Variants in PABPC4L observed in about 807,000 individuals in gnomAD.
PABPC4L encodes poly(A) binding protein cytoplasmic 4 like.
For missense variants in PABPC4L, 452 were observed against 451.4 expected (o/e 1.00, Z -0.01); for synonymous variants, 169 against 164.1 (o/e 1.03, Z -0.23).
chr4:134,163,647 T>C, the PABPC4L span, among the ~76,000 whole-genome samples: 2 of 152,090 alleles, frequency 1.3e-5, no homozygotes, highest in South Asian at 2.1e-4. Flanking sequence ...AAAAGATAAT[T>C]ACCATAATCA....
chr4:134,124,761 A>AT, the PABPC4L span, among the ~76,000 whole-genome samples: 2 of 152,030 alleles, frequency 1.3e-5, no homozygotes, highest in Non-Finnish European at 2.9e-5. Context: ...CAATTATGGC[A>AT]TTTTTTACAA....
the PABPC4L span, among the ~76,000 whole-genome samples, chr4:133,975,006 G>A: frequency 6.6e-6 from 1 of 152,030 alleles, no homozygotes; most frequent in East Asian, 1.9e-4. Context: ...TGTATACCCA[G>A]GAAAATTAAA....
At chr4:134,006,324 C>T in the PABPC4L span, among the ~76,000 whole-genome samples, 2 of 151,694 alleles carry the variant, frequency 1.3e-5, no homozygotes, top group African/African-American at 4.8e-5. Context: ...TACAAACCCA[C>T]TAAAAAGGGA....
At chr4:134,124,774 T>A in the PABPC4L span, among the ~76,000 whole-genome samples, 1 of 152,056 alleles carries the variant, frequency 6.6e-6, no homozygotes, top group Non-Finnish European at 1.5e-5. Context: ...TTTTACAAAA[T>A]TCATATATTC....
At chr4:134,024,266 C>G in the PABPC4L span, among the ~76,000 whole-genome samples, 1 of 152,222 alleles carries the variant, frequency 6.6e-6, no homozygotes, top group African/African-American at 2.4e-5. Context: ...CTCCAAAACT[C>G]TCCTGTGTAT....
chr4:134,199,669 A>C lies in PABPC4L; in HGVS notation c.*238T>G. On this transcript the variant is annotated 3_prime_UTR_variant, in exon 2 of 2. Coordinates refer to ENST00000421491, the MANE Select transcript of PABPC4L (RefSeq NM_001114734.2). ...CTTATTGCTATGAACATATCAAAAT[A>C]AGAAAAATGTGCAATATTAAAATTA... 2.0e-6 allele frequency: 1 copy of C among 489,210 alleles called. No individual in the cohort carries two copies. The highest frequency in any genetic ancestry group is 3.6e-6 in the Non-Finnish European group (1 of 280,060). 30.3% of individuals were successfully genotyped at this position (489,210 alleles called of 1,614,324 possible). A position where few individuals can be genotyped will look rare whatever the true frequency, so the allele number is the denominator to read the frequency against.
the PABPC4L span, among the ~76,000 whole-genome samples, chr4:134,138,434 C>G: frequency 6.6e-6 from 1 of 151,748 alleles, no homozygotes; most frequent in African/African-American, 2.4e-5. Flanking sequence ...TTTTTTCTCT[C>G]AATCAGTAAC....
the PABPC4L span, among the ~76,000 whole-genome samples, chr4:134,030,238 A>T: frequency 6.6e-6 from 1 of 152,080 alleles, no homozygotes; most frequent in Non-Finnish European, 1.5e-5. Flanking sequence ...GGAACTGGGT[A>T]ACAGGCAGAG....
At chr4:133,963,476 C>G in the PABPC4L span, among the ~76,000 whole-genome samples, 2 of 152,098 alleles carry the variant, frequency 1.3e-5, no homozygotes, top group South Asian at 4.2e-4. Flanking sequence ...TTAAAATATA[C>G]CTTGGAATGA....
chr4:134,125,827 C>A, the PABPC4L span, among the ~76,000 whole-genome samples: 1 of 152,074 alleles, frequency 6.6e-6, no homozygotes, highest in East Asian at 1.9e-4. Context: ...TAAAGACATT[C>A]ATTTGATGCT....
chr4:133,981,956 G>C, the PABPC4L span, among the ~76,000 whole-genome samples: 1 of 151,828 alleles, frequency 6.6e-6, no homozygotes. Context: ...ATGTTGTATT[G>C]GTTGGACTTT....
At chr4:133,961,759 C>G in the PABPC4L span, among the ~76,000 whole-genome samples, 2 of 152,146 alleles carry the variant, frequency 1.3e-5, no homozygotes, top group Non-Finnish European at 2.9e-5. Flanking sequence ...CCGTTGACTT[C>G]CACCCCTCCA....
At chr4:134,176,450 C>A in the PABPC4L span, among the ~76,000 whole-genome samples, 3 of 151,804 alleles carry the variant, frequency 2.0e-5, no homozygotes, top group Admixed American at 2.0e-4. Flanking sequence ...CCAGCCTCGG[C>A]AAAACAGTGA....
At chr4:134,099,643 AAGTCAACTCTGCAATTGTAAAGG>A in the PABPC4L span, among the ~76,000 whole-genome samples, 4 of 151,720 alleles carry the variant, frequency 2.6e-5, no homozygotes, top group Non-Finnish European at 5.9e-5. Flanking sequence ...TTCAATTTCT[AAGTCAACTCTGCAATTGTAAAGG>A]AGTGGGATTT....
chr4:134,180,883 A>G, the PABPC4L span, among the ~76,000 whole-genome samples: 1 of 151,968 alleles, frequency 6.6e-6, no homozygotes, highest in African/African-American at 2.4e-5. Flanking sequence ...TAGGATCAGT[A>G]ATAAAATGCC....
chr4:134,108,736 T>C, the PABPC4L span, among the ~76,000 whole-genome samples: 1 of 151,854 alleles, frequency 6.6e-6, no homozygotes, highest in Non-Finnish European at 1.5e-5. Context: ...GTGCAAAATA[T>C]ATAACCTAGA....
chr4:134,110,698 A>ATT, the PABPC4L span, among the ~76,000 whole-genome samples: 1 of 151,782 alleles, frequency 6.6e-6, no homozygotes, highest in African/African-American at 2.4e-5. Flanking sequence ...ATTGCATAAT[A>ATT]TTTGAATATA....
At chr4:134,042,051 G>A in the PABPC4L span, among the ~76,000 whole-genome samples, 2 of 151,970 alleles carry the variant, frequency 1.3e-5, no homozygotes. Flanking sequence ...AGAGAATGTG[G>A]TGTGTAAATA....
chr4:134,036,884 T>C, the PABPC4L span, among the ~76,000 whole-genome samples: 9 of 151,830 alleles, frequency 5.9e-5, no homozygotes, highest in Non-Finnish European at 1.0e-4. Flanking sequence ...GGTGAAACAT[T>C]GTTTCTACTA....
Sources: gnomAD v4.1 joint callset for allele counts (sites outside exome capture counted in the v4.1 genomes callset) on GRCh38, gnomAD v4.1.1 for gene constraint, MANE v1.5 for transcripts, NCBI Gene and HGNC (gene_info 2026-07-23, HGNC 2026-07-21) for gene names.